The following ZRANB3 variants were observed in gnomAD, a reference collection of about 807,000 sequenced individuals.
The protein encoded by ZRANB3 is DNA annealing helicase and endonuclease ZRANB3.
ZRANB3 carries 125 observed loss-of-function variants against 133.8 expected under a neutral mutation model. That is an observed-to-expected ratio of 0.93 (90% CI 0.81 to 1.08). The LOEUF (loss-of-function observed/expected upper bound fraction) is 1.08. Ranked by LOEUF, ZRANB3 falls within the 50% of genes least tolerant of loss-of-function variation. The probability of loss-of-function intolerance (pLI) is 0.00; values close to 1 mark genes in which losing one functional copy is unlikely to be tolerated. For synonymous variants in ZRANB3, 387 were observed against 432.7 expected, an observed-to-expected ratio of 0.89 and a Z score of 1.31; for missense variants, 1,229 against 1,275.5, an observed-to-expected ratio of 0.96 and a Z score of 0.56.
intron 1 of ZRANB3, chr2:135,511,443 G>A (rs1693447019): frequency 3.6e-6 from 3 of 822,864 alleles, no homozygotes; most frequent in Admixed American, 1.7e-5. Flanking sequence ...AGAATCATCA[G>A]GTACCACCTG....
intron 8 of ZRANB3, among the ~76,000 whole-genome samples, chr2:135,276,648 T>C (rs1680842407): frequency 1.3e-5 from 2 of 152,200 alleles, no homozygotes; most frequent in Admixed American, 1.3e-4. Flanking sequence ...ACATTTAACT[T>C]CTGCTCCTTC....
chr2:135,399,772 A>C (rs1181242494), intron 2 of ZRANB3, among the ~76,000 whole-genome samples: 1 of 152,190 alleles, frequency 6.6e-6, no homozygotes, highest in African/African-American at 2.4e-5. Flanking sequence ...ATCTTGGTAC[A>C]TGGTCACGGG....
rs531815334 is a variant in ZRANB3 at position 135,445,442 on chromosome 2, A to G, written c.162-54622T>C. 2.6e-5 allele frequency among the ~76,000 whole-genome samples: 4 copies of G among 151,844 alleles called. No individual in the cohort carries two copies. The East Asian group carries it at 7.8e-4, about 30-fold the overall frequency. ...TGGGTGACACAGTGAAACTCCATCTAAATAAATAAGTAAATAAAGGGGAAA... is the reference window on the plus strand; with the variant it reads ...TGGGTGACACAGTGAAACTCCATCTGAATAAATAAGTAAATAAAGGGGAAA... On this transcript the variant is annotated intron_variant, in intron 2 of 20. Transcript: ENST00000264159.
intron 9 of ZRANB3, among the ~76,000 whole-genome samples, chr2:135,272,094 C>T (rs566460079): frequency 6.6e-6 from 1 of 152,228 alleles, no homozygotes; most frequent in Admixed American, 6.5e-5. Context: ...ATCTTTTAAG[C>T]TACTTGAGGG....
At chr2:135,413,755 T>A (rs1157191850) in intron 2 of ZRANB3, among the ~76,000 whole-genome samples, 1 of 152,044 alleles carries the variant, frequency 6.6e-6, no homozygotes, top group African/African-American at 2.4e-5. Context: ...TATCTGTGGA[T>A]TAAACCAACC....
chr2:135,324,888 G>T (rs1403934133), intron 6 of ZRANB3, among the ~76,000 whole-genome samples: 1 of 152,090 alleles, frequency 6.6e-6, no homozygotes, highest in Non-Finnish European at 1.5e-5. Context: ...CTTTTGAGAA[G>T]TGTCTTTTCA....
At chr2:135,469,269 A>G (rs1203084208) in intron 2 of ZRANB3, among the ~76,000 whole-genome samples, 1 of 151,796 alleles carries the variant, frequency 6.6e-6, no homozygotes, top group Non-Finnish European at 1.5e-5. Flanking sequence ...ACACACACAC[A>G]TATATGTGAT....
At chr2:135,289,843 T>C (rs1681596245) in intron 8 of ZRANB3, among the ~76,000 whole-genome samples, 1 of 152,132 alleles carries the variant, frequency 6.6e-6, no homozygotes, top group Non-Finnish European at 1.5e-5. Flanking sequence ...GCAGAGGTTG[T>C]GGTGAGTCAA....
At chr2:135,366,267 T>C (rs560431409) in intron 3 of ZRANB3, among the ~76,000 whole-genome samples, 14 of 152,200 alleles carry the variant, frequency 9.2e-5, no homozygotes, top group African/African-American at 3.4e-4. Context: ...GTCTCGTATA[T>C]ATTAAAAAGA....
At chr2:135,237,733 T>C (rs1014551680) in intron 12 of ZRANB3, among the ~76,000 whole-genome samples, 6 of 151,864 alleles carry the variant, frequency 4.0e-5, no homozygotes, top group African/African-American at 7.3e-5. Context: ...TAGGTGGGAA[T>C]TGAACAATGA....
rs1166170814 is a variant in ZRANB3 at position 135,455,171 on chromosome 2, C to CTTTTTTTTTTTT, written c.161+49146_161+49157dup. 1.3e-3 allele frequency among the ~76,000 whole-genome samples: 50 copies of CTTTTTTTTTTTT among 37,592 alleles called. 12 individuals are homozygous for CTTTTTTTTTTTT. The highest frequency in any genetic ancestry group is 4.5e-3 in the East Asian group (4 of 896). The allele number at this position is 37,592 out of a possible 152,430, so 24.7% of individuals were successfully genotyped here. A position where few individuals can be genotyped will look rare whatever the true frequency, so the allele number is the denominator to read the frequency against. ...AATGGGATCACAATGCCTTCTTATA[C>CTTTTTTTTTTTT]TTTTTTTTTTTTTTTTTTTTTTTTT... On this transcript the variant is annotated intron_variant, in intron 2 of 20. Coordinates refer to ENST00000264159, the MANE Select transcript of ZRANB3 (RefSeq NM_032143.4).
At chr2:135,313,647 CGAACA>C in intron 7 of ZRANB3, 42 bp from the exon 8 acceptor site, 1 of 1,286,356 alleles carries the variant, frequency 7.8e-7, no homozygotes, top group South Asian at 1.3e-5. Flanking sequence ...TATAGCATAA[CGAACA>C]GAACAAATTA....
At chr2:135,434,724 C>T (rs1689457825) in intron 2 of ZRANB3, among the ~76,000 whole-genome samples, 1 of 152,152 alleles carries the variant, frequency 6.6e-6, no homozygotes, top group Non-Finnish European at 1.5e-5. Context: ...ACTTCACAGG[C>T]CAAACTGTTC....
At chr2:135,476,543 T>C (rs1470850942) in intron 2 of ZRANB3, among the ~76,000 whole-genome samples, 1 of 152,116 alleles carries the variant, frequency 6.6e-6, no homozygotes, top group African/African-American at 2.4e-5. Context: ...AAAATTCCTA[T>C]AATAAAAATG....
intron 6 of ZRANB3, among the ~76,000 whole-genome samples, chr2:135,330,334 C>T (rs1177514254): frequency 2.0e-5 from 3 of 152,060 alleles, no homozygotes; most frequent in Non-Finnish European, 4.4e-5. Flanking sequence ...GTCATTGGTT[C>T]CGTTTATGTG....
Position 135,208,850 on chromosome 2 carries a change from G to A in ZRANB3, c.2606+18C>T. 5 of 1,591,144 alleles carry A rather than the reference G, an allele frequency of 3.1e-6. No homozygotes were observed. The highest frequency in any genetic ancestry group is 3.5e-6 in the Non-Finnish European group (4 of 1,159,232). Reference sequence around the variant, plus strand: ...GTGGAATTAGTACTACTATATACTAGTAGTAGAAAAACCTTACTTTGTGAA... The same window carrying A: ...GTGGAATTAGTACTACTATATACTAATAGTAGAAAAACCTTACTTTGTGAA... On this transcript the variant is annotated intron_variant, in intron 18 of 20. Coordinates refer to ENST00000264159, the MANE Select transcript of ZRANB3 (RefSeq NM_032143.4).
chr2:135,376,467 C>T (rs1029355313), intron 3 of ZRANB3, among the ~76,000 whole-genome samples: 1 of 152,124 alleles, frequency 6.6e-6, no homozygotes, highest in Non-Finnish European at 1.5e-5. Flanking sequence ...AACGAAAAAA[C>T]GAACTGTGGT....
chr2:135,287,718 G>T, intron 8 of ZRANB3, among the ~76,000 whole-genome samples: 1 of 113,232 alleles, frequency 8.8e-6, no homozygotes, highest in African/African-American at 3.7e-5. Flanking sequence ...TTGAGTTCTT[G>T]ACTTGATTCT....
intron 20 of ZRANB3, 120 bp from the exon 21 acceptor site, chr2:135,200,560 G>T: frequency 1.3e-6 from 1 of 787,962 alleles, no homozygotes; most frequent in Non-Finnish European, 2.0e-6. Flanking sequence ...ATTTTCCAGT[G>T]GTTGGCTATG....
Sources: gnomAD v4.1 joint callset for allele counts (sites outside exome capture counted in the v4.1 genomes callset) on GRCh38, gnomAD v4.1.1 for gene constraint, MANE v1.5 for transcripts, NCBI Gene and HGNC (gene_info 2026-07-23, HGNC 2026-07-21) for gene names.